The following CAMKMT variants were observed in gnomAD, a reference collection of about 807,000 sequenced individuals.
The protein encoded by CAMKMT is calmodulin-lysine N-methyltransferase.
CAMKMT carries 53 observed loss-of-function variants against 48.0 expected under a neutral mutation model. That is an observed-to-expected ratio of 1.10 (90% CI 0.89 to 1.39). The LOEUF is 1.39. Among genes scored for constraint, CAMKMT ranks in the 40% most tolerant of loss-of-function variants. The probability of loss-of-function intolerance (pLI) is 0.00; values close to 1 mark genes in which losing one functional copy is unlikely to be tolerated. For synonymous variants in CAMKMT, 165 were observed against 152.3 expected (o/e 1.08, Z -0.61); for missense variants, 428 against 402.7 (o/e 1.06, Z -0.54).
At chr2:44,706,104 CT>C (rs1677542158) in intron 4 of CAMKMT, among the ~76,000 whole-genome samples, 182 bp from the exon 5 acceptor site, 1 of 152,116 alleles carries the variant, frequency 6.6e-6, no homozygotes, top group African/African-American at 2.4e-5. Flanking sequence ...TGCTTTGTGA[CT>C]TTTCTATTTC....
chr2:44,772,127 T>G lies in CAMKMT; in HGVS notation c.*14T>G, dbSNP rs781144858. The stretch of plus-strand genomic sequence containing the variant: ...AAACATGGATAGAAGATTAAGCTTC[T>G]CAAAGACGAAGAAACGTATCAAGTG... On this transcript the variant is annotated 3_prime_UTR_variant, in exon 11 of 11. Transcript: ENST00000378494. 3.1e-6 allele frequency: 5 copies of G among 1,606,404 alleles called. No individual in the cohort carries two copies. The highest frequency in any genetic ancestry group is 4.3e-6 in the Non-Finnish European group (5 of 1,174,934).
intron 3 of CAMKMT, among the ~76,000 whole-genome samples, chr2:44,579,451 C>A (rs1011897823): frequency 1.3e-5 from 2 of 152,084 alleles, no homozygotes; most frequent in African/African-American, 2.4e-5. Context: ...AAAATGAACC[C>A]CATCTGAGAG....
chr2:44,640,225 T>C (rs904269249), intron 3 of CAMKMT, among the ~76,000 whole-genome samples: 2 of 152,182 alleles, frequency 1.3e-5, no homozygotes, highest in Non-Finnish European at 2.9e-5. Flanking sequence ...AGAGGCATCA[T>C]TAGAAAAATG....
chr2:44,418,323 A>G (rs1443633337), intron 3 of CAMKMT, among the ~76,000 whole-genome samples: 1 of 143,376 alleles, frequency 7.0e-6, no homozygotes, highest in South Asian at 2.2e-4. Flanking sequence ...TTTTTTTTTT[A>G]TGTGTTCTTC....
chr2:44,605,561 A>G (rs1671237024), intron 3 of CAMKMT, among the ~76,000 whole-genome samples: 1 of 152,148 alleles, frequency 6.6e-6, no homozygotes, highest in Admixed American at 6.5e-5. Flanking sequence ...TATCATTGAA[A>G]AAGTGTAGTT....
intron 7 of CAMKMT, among the ~76,000 whole-genome samples, chr2:44,738,156 A>C (rs1037640428): frequency 6.6e-6 from 1 of 151,910 alleles, no homozygotes; most frequent in Non-Finnish European, 1.5e-5. Flanking sequence ...GCCTGGCCCC[A>C]TCTTCTTAAC....
At chr2:44,539,624 G>T (rs1666982053) in intron 3 of CAMKMT, among the ~76,000 whole-genome samples, 1 of 152,002 alleles carries the variant, frequency 6.6e-6, no homozygotes, top group Non-Finnish European at 1.5e-5. Context: ...TCCTTTGCTT[G>T]TTGTGTCTAT....
At chr2:44,457,896 C>G (rs2104609903) in intron 3 of CAMKMT, among the ~76,000 whole-genome samples, 1 of 152,034 alleles carries the variant, frequency 6.6e-6, no homozygotes, top group East Asian at 1.9e-4. Context: ...TAAGCCATTC[C>G]CCTGCAAATG....
intron 2 of CAMKMT, among the ~76,000 whole-genome samples, chr2:44,375,822 G>C (rs970814225): frequency 6.6e-6 from 1 of 151,728 alleles, no homozygotes; most frequent in East Asian, 1.9e-4. Flanking sequence ...GTCTCAATCT[G>C]TCACCCAGGC....
Position 44,488,843 on chromosome 2 carries a change from TTGTGTGTGTG to T in CAMKMT, c.376+98564_376+98573del, listed in dbSNP as rs142299931. Among the ~76,000 whole-genome samples, 349 of 142,050 alleles carry T rather than the reference TTGTGTGTGTG, an allele frequency of 2.5e-3. 1 individual carries two copies. The Middle Eastern group carries it at 0.029, about 12-fold the overall frequency. 93.2% of individuals were successfully genotyped at this position (142,050 alleles called of 152,430 possible). ...AAAAATTAGAAAAGCCTTAGGGTAT[TTGTGTGTGTG>T]TGTGTGTGTGTGTGTGTGTGTGTGT... On this transcript the variant is annotated intron_variant, in intron 3 of 10. Coordinates refer to ENST00000378494, the MANE Select transcript of CAMKMT (RefSeq NM_024766.5).
chr2:44,446,877 C>T (rs1441884007), intron 3 of CAMKMT, among the ~76,000 whole-genome samples: 1 of 152,180 alleles, frequency 6.6e-6, no homozygotes, highest in Non-Finnish European at 1.5e-5. Context: ...GTGTCATTAC[C>T]TTTGTTGTTG....
At chr2:44,363,112 G>A (rs1391139327) in intron 1 of CAMKMT, among the ~76,000 whole-genome samples, 1 of 152,084 alleles carries the variant, frequency 6.6e-6, no homozygotes, top group Non-Finnish European at 1.5e-5. Flanking sequence ...TCATACAGTG[G>A]TCTTTTAGTG....
intron 3 of CAMKMT, among the ~76,000 whole-genome samples, chr2:44,443,644 A>T (rs908976326): frequency 2.0e-5 from 3 of 152,222 alleles, no homozygotes; most frequent in African/African-American, 7.2e-5. Flanking sequence ...TAATGAAGCC[A>T]GAGAAGAATA....
intron 8 of CAMKMT, among the ~76,000 whole-genome samples, chr2:44,743,964 C>G (rs1376191027): frequency 6.6e-6 from 1 of 152,182 alleles, no homozygotes; most frequent in African/African-American, 2.4e-5. Context: ...CTTGACGTAT[C>G]AGTAAATGGA....
At chr2:44,468,429 A>C (rs1377396558) in intron 3 of CAMKMT, among the ~76,000 whole-genome samples, 1 of 152,196 alleles carries the variant, frequency 6.6e-6, no homozygotes, top group East Asian at 1.9e-4. Context: ...GCCATTATGG[A>C]AAACAGTATG....
intron 2 of CAMKMT, among the ~76,000 whole-genome samples, chr2:44,384,018 A>C (rs916912883): frequency 2.6e-5 from 4 of 152,176 alleles, no homozygotes; most frequent in African/African-American, 7.2e-5. Flanking sequence ...ACCAAATGGT[A>C]GTTCTACTTT....
At chr2:44,560,967 T>C (rs756016066) in intron 3 of CAMKMT, among the ~76,000 whole-genome samples, 3 of 152,204 alleles carry the variant, frequency 2.0e-5, no homozygotes, top group Non-Finnish European at 4.4e-5. Flanking sequence ...TGTTCTACCA[T>C]TTTCAGAGAG....
chr2:44,690,088 T>C (rs1183215232), intron 3 of CAMKMT, among the ~76,000 whole-genome samples: 1 of 152,252 alleles, frequency 6.6e-6, no homozygotes, highest in African/African-American at 2.4e-5. Flanking sequence ...GTAATGAAGA[T>C]TTAACTTCTA....
intron 3 of CAMKMT, chr2:44,549,450 AG>A (rs1667585315): frequency 3.0e-6 from 2 of 658,028 alleles, no homozygotes; most frequent in Non-Finnish European, 5.4e-6. Context: ...AGGAAGACTC[AG>A]TTTTTCCTGT....
Sources: gnomAD v4.1 joint callset for allele counts (sites outside exome capture counted in the v4.1 genomes callset) on GRCh38, gnomAD v4.1.1 for gene constraint, MANE v1.5 for transcripts, NCBI Gene and HGNC (gene_info 2026-07-23, HGNC 2026-07-21) for gene names.